Variants in USP14 observed in about 807,000 individuals in gnomAD.
USP14 encodes the protein ubiquitin specific peptidase 14.
Under a neutral mutation model 76.5 loss-of-function variants are expected in USP14, and 38 were observed. The ratio of observed to expected loss-of-function variants is 0.50; its 90% confidence interval spans 0.38 to 0.65. The LOEUF is 0.65. Among genes scored for constraint, USP14 ranks in the 30% least tolerant of loss-of-function variants. USP14 has a pLI of 0.00. For synonymous variants in USP14, 192 were observed against 191.7 expected (o/e 1.00, Z -0.01); for missense variants, 467 against 586.5 (o/e 0.80, Z 2.10).
At chr18:201,814 A>C (rs1910391352) in intron 10 of USP14, among the ~76,000 whole-genome samples, 1 of 152,220 alleles carries the variant, frequency 6.6e-6, no homozygotes, top group Non-Finnish European at 1.5e-5. Context: ...TGGTGGTAAT[A>C]ATAAGATTTC....
chr18:210,806 G>A (rs1910649560), intron 15 of USP14, among the ~76,000 whole-genome samples: 3 of 152,194 alleles, frequency 2.0e-5, no homozygotes, highest in Admixed American at 2.0e-4. Flanking sequence ...TTAAATAGGA[G>A]GCAGCTGGGT....
intron 5 of USP14, among the ~76,000 whole-genome samples, chr18:181,820 A>C (rs897817375): frequency 3.3e-5 from 5 of 152,026 alleles, no homozygotes; most frequent in Admixed American, 3.3e-4. Flanking sequence ...GGTTACAAAG[A>C]CTTACTTCTT....
At chr18:169,381 AAGAG>A (rs1362897973) in intron 3 of USP14, among the ~76,000 whole-genome samples, 4 of 150,872 alleles carry the variant, frequency 2.7e-5, no homozygotes, top group African/African-American at 9.7e-5. Context: ...AAAAAAAAAA[AAGAG>A]TGGACATCTT....
intron 5 of USP14, among the ~76,000 whole-genome samples, chr18:187,240 A>G (rs1909955466): frequency 6.6e-6 from 1 of 152,062 alleles, no homozygotes; most frequent in Non-Finnish European, 1.5e-5. Context: ...ATGTATTATT[A>G]TTAAATATTT....
At chr18:170,738 T>G (rs1282153497) in intron 3 of USP14, among the ~76,000 whole-genome samples, 1 of 152,046 alleles carries the variant, frequency 6.6e-6, no homozygotes, top group Non-Finnish European at 1.5e-5. Flanking sequence ...TACATTGTCC[T>G]CATCAGACTA....
intron 10 of USP14, among the ~76,000 whole-genome samples, chr18:201,072 A>G (rs533220145): frequency 6.6e-6 from 1 of 152,298 alleles, no homozygotes; most frequent in Admixed American, 6.5e-5. Flanking sequence ...AAGTGCTGGG[A>G]TTATAGGAAT....
intron 5 of USP14, among the ~76,000 whole-genome samples, chr18:184,272 C>T (rs1170548134): frequency 6.6e-6 from 1 of 152,048 alleles, no homozygotes; most frequent in Admixed American, 6.6e-5. Flanking sequence ...CAAGAGAGTG[C>T]ACTTACTAAC....
Position 165,826 on chromosome 18 carries a change from C to A in USP14, c.163-961C>A, listed in dbSNP as rs981710926. Among the ~76,000 whole-genome samples, 9 of 152,032 alleles carry A rather than the reference C, an allele frequency of 5.9e-5. 1 individual carries two copies. The highest frequency in any genetic ancestry group is 1.9e-4 in the African/African-American group (8 of 41,360). On this transcript the variant is annotated intron_variant, in intron 2 of 15. Coordinates refer to ENST00000261601, the MANE Select transcript of USP14 (RefSeq NM_005151.4). ...ATTGAGAAGGGCCTTTAGGAAGTTA[C>A]CGTTCCATTTTAAAGCAGATAAAAG...
rs558086272 is a variant in USP14, at chr18:195,440, T to C, written c.464-1197T>C. Among the ~76,000 whole-genome samples the C allele has an allele frequency of 4.6e-5, 7 of 152,260 alleles. No individual in the cohort carries two copies. The South Asian group carries it at 8.3e-4, about 18-fold the overall frequency. On this transcript the variant is annotated intron_variant, in intron 6 of 15. Coordinates refer to ENST00000261601, the MANE Select transcript of USP14 (RefSeq NM_005151.4). Reference sequence around the variant, plus strand: ...AGGTGACATTTCACATCTTGGGTATTAATAAAACATACAAGTTGAGATAAG... The same window carrying C: ...AGGTGACATTTCACATCTTGGGTATCAATAAAACATACAAGTTGAGATAAG...
chr18:166,968 G>T, intron 3 of USP14, 149 bp downstream of exon 3: 1 of 667,212 alleles, frequency 1.5e-6, no homozygotes, highest in East Asian at 2.8e-5. Context: ...GACTTGTGTT[G>T]GGCTCTTTCT....
Position 174,611 on chromosome 18 carries a change from T to G in USP14, c.196-4322T>G, listed in dbSNP as rs1293208146. ...TGTCGTAAGTGGTACTTTTCTTTCT[T>G]TTTTTTTTTTTTTTTAAAGACGAGG... On this transcript the variant is annotated intron_variant, in intron 3 of 15. Transcript: ENST00000261601. Among the ~76,000 whole-genome samples the G allele has an allele frequency of 7.0e-4, 30 of 43,050 alleles. 1 individual carries two copies. In the East Asian group the frequency reaches 0.022, roughly 31 times the overall value. The allele number at this position is 43,050 out of a possible 152,430, so 28.2% of individuals were successfully genotyped here.
At chr18:178,744 T>G (rs1174660779) in intron 3 of USP14, among the ~76,000 whole-genome samples, 189 bp from the exon 4 acceptor site, 2 of 152,206 alleles carry the variant, frequency 1.3e-5, no homozygotes, top group South Asian at 2.1e-4. Flanking sequence ...AAGAAACTTG[T>G]ACCATTTAAG....
In USP14 at chr18:204,682, A is replaced by T. The variant is rs780795591; in HGVS notation, c.1154A>T (p.Gln385Leu). 2 of 1,612,266 alleles carry T rather than the reference A, an allele frequency of 1.2e-6. No individual in the cohort carries two copies. The change falls in exon 13 of 16, where the codon CAG (glutamine) becomes CTG (leucine). Residue 385 changes from glutamine (Q) to leucine (L), a missense_variant. By Grantham distance (113) the Gln-to-Leu change is moderately radical. Transcript: ENST00000261601. Reference protein sequence around the residue: ...KDLEDKKVNQQPNTSDKKSSP... With the variant: ...KDLEDKKVNQLPNTSDKKSSP... ...CTAGAAGATAAAAAAGTGAATCAGC[A>T]GCCAAATACAGTAGGTTCTTACTGC...
Position 158,641 on chromosome 18 carries a change from T to C in USP14, c.-58T>C. 4.0e-6 allele frequency: 6 copies of C among 1,507,964 alleles called. No homozygotes were observed. Among genetic ancestry groups the C allele is most frequent in the Non-Finnish European group, 5.3e-6 (6 of 1,132,134 alleles). 93.4% of individuals were successfully genotyped at this position (1,507,964 alleles called of 1,614,324 possible). A position where few individuals can be genotyped will look rare whatever the true frequency, so the allele number is the denominator to read the frequency against. On this transcript the variant is annotated 5_prime_UTR_variant, in exon 1 of 16. Coordinates refer to ENST00000261601, the MANE Select transcript of USP14 (RefSeq NM_005151.4). ...CGCAGCTGCTCCTGGTCCCCGTCCC[T>C]TTGCCGCCCTCGTCAGGCCCAGCTC...
In USP14 at chr18:200,188, G is replaced by A. The variant is rs141922666; in HGVS notation, c.876+872G>A. Among the ~76,000 whole-genome samples, 832 of 152,228 alleles carry A rather than the reference G, an allele frequency of 5.5e-3. 8 individuals carry two copies. The highest frequency in any genetic ancestry group is 0.019 in the African/African-American group (791 of 41,538). ...TTAAGATTTTTCCTTAGAGATAGTT[G>A]TTTTCATGGGCCCTATAACTTAGCT... is the stretch of plus-strand genomic sequence containing the variant. On this transcript the variant is annotated intron_variant, in intron 10 of 15. Coordinates refer to ENST00000261601, the MANE Select transcript of USP14 (RefSeq NM_005151.4).
At chr18:163,157 C>A in intron 1 of USP14, 151 bp from the exon 2 acceptor site, 1 of 609,882 alleles carries the variant, frequency 1.6e-6, no homozygotes, top group Non-Finnish European at 2.7e-6. Flanking sequence ...CTACTGCATG[C>A]ATGCTCCTCT....
intron 3 of USP14, among the ~76,000 whole-genome samples, chr18:169,937 G>A (rs777452207): frequency 1.3e-5 from 2 of 152,024 alleles, no homozygotes; most frequent in African/African-American, 4.8e-5. Flanking sequence ...TCACCGACCC[G>A]CAGTTCCCTC....
At chr18:163,724 A>C (rs112546151) in intron 2 of USP14, among the ~76,000 whole-genome samples, 1 of 152,022 alleles carries the variant, frequency 6.6e-6, no homozygotes, top group Non-Finnish European at 1.5e-5. Flanking sequence ...TCTGAGATAC[A>C]TATGCAGGTT....
intron 1 of USP14, among the ~76,000 whole-genome samples, chr18:159,890 C>G (rs533120629): frequency 3.3e-5 from 5 of 152,292 alleles, no homozygotes; most frequent in African/African-American, 9.6e-5. Flanking sequence ...AAGTAGATTT[C>G]TAAGGTCCCT....
Sources: gnomAD v4.1 joint callset for allele counts (sites outside exome capture counted in the v4.1 genomes callset) on GRCh38, gnomAD v4.1.1 for gene constraint, MANE v1.5 for transcripts, NCBI Gene and HGNC (gene_info 2026-07-23, HGNC 2026-07-21) for gene names.